Variants in CUL1 observed in about 807,000 individuals in gnomAD.
The protein encoded by CUL1 is cullin 1, also known as cullin-1.
A neutral mutation model predicts 118.0 loss-of-function variants in CUL1; 24 were observed. The observed-to-expected ratio is 0.20, with a 90% CI of 0.15 to 0.29. The LOEUF (loss-of-function observed/expected upper bound fraction) is 0.29, where lower values mean the gene tolerates loss of function less well. CUL1 is among the 10% of genes least tolerant of loss of function. CUL1 has a pLI of 1.00. For synonymous variants in CUL1, 332 were observed against 340.4 expected, an observed-to-expected ratio of 0.98 and a Z score of 0.27; for missense variants, 361 against 933.8, an observed-to-expected ratio of 0.39 and a Z score of 7.99.
intron 1 of CUL1, among the ~76,000 whole-genome samples, chr7:148,720,445 A>G (rs566805027): frequency 5.3e-5 from 8 of 152,242 alleles, no homozygotes; most frequent in African/African-American, 1.7e-4. Flanking sequence ...GCTGATGGGA[A>G]ATGCAGAAGG....
At chr7:148,775,621 T>G (rs1400232394) in intron 9 of CUL1, among the ~76,000 whole-genome samples, 3 of 152,324 alleles carry the variant, frequency 2.0e-5, no homozygotes, top group African/African-American at 7.2e-5. Context: ...AGTCAGACAT[T>G]TAATTACACA....
chr7:148,708,301 C>G (rs544559087), intron 1 of CUL1, among the ~76,000 whole-genome samples: 1 of 152,126 alleles, frequency 6.6e-6, no homozygotes, highest in African/African-American at 2.4e-5. Flanking sequence ...TTTTTTGCTC[C>G]CTAGACCATA....
intron 2 of CUL1, among the ~76,000 whole-genome samples, chr7:148,749,152 C>A (rs916622556): frequency 1.3e-5 from 2 of 152,148 alleles, no homozygotes; most frequent in Non-Finnish European, 2.9e-5. Flanking sequence ...CGTGGTGGCT[C>A]ACGCCTGTAA....
At chr7:148,727,771 G>C (rs1430221589) in intron 1 of CUL1, among the ~76,000 whole-genome samples, 7 of 152,052 alleles carry the variant, frequency 4.6e-5, no homozygotes, top group African/African-American at 1.7e-4. Context: ...AGGTGGCAAG[G>C]GGGGACATCT....
chr7:148,786,955 C>T, intron 12 of CUL1, 34 bp from the exon 13 acceptor site: 1 of 1,594,822 alleles, frequency 6.3e-7, no homozygotes, highest in East Asian at 2.2e-5. Flanking sequence ...TGTGTGTGTG[C>T]TGGTTAAGTG....
rs572566580 is a variant in CUL1, at chr7:148,737,560, A to G, written c.140+7298A>G. 8.0e-3 allele frequency among the ~76,000 whole-genome samples: 1,126 copies of G among 140,710 alleles called. 10 individuals carry two copies. The highest frequency in any genetic ancestry group is 0.021 in the African/African-American group (749 of 36,490). 92.3% of individuals were successfully genotyped at this position (140,710 alleles called of 152,430 possible). A position where few individuals can be genotyped will look rare whatever the true frequency, so the allele number is the denominator to read the frequency against. ...AAGTACGATATATGTGTGTGTGTGT[A>G]TATATATATATTTTTATATTTATTT... On this transcript the variant is annotated intron_variant, in intron 2 of 21. Transcript: ENST00000325222.
intron 5 of CUL1, 85 bp downstream of exon 5, chr7:148,759,439 G>T: frequency 1.4e-6 from 2 of 1,474,882 alleles, no homozygotes; most frequent in South Asian, 1.1e-5. Context: ...TCACTCCTTC[G>T]GATTATCCCA....
intron 8 of CUL1, 114 bp from the exon 9 acceptor site, chr7:148,767,505 A>G (rs900227738): frequency 4.3e-6 from 4 of 936,640 alleles, no homozygotes; most frequent in African/African-American, 1.7e-5. Flanking sequence ...ATTAAAGTCT[A>G]AAAACATGGT....
intron 14 of CUL1, 30 bp from the exon 15 acceptor site, chr7:148,789,720 G>C (rs778470364): frequency 1.3e-6 from 2 of 1,582,564 alleles, no homozygotes; most frequent in Admixed American, 3.3e-5. Context: ...ATTCCAGAAT[G>C]TTCACTCTCC....
At chr7:148,799,876 G>A (rs1246713296) in intron 21 of CUL1, among the ~76,000 whole-genome samples, 2 of 152,308 alleles carry the variant, frequency 1.3e-5, no homozygotes, top group African/African-American at 4.8e-5. Flanking sequence ...TTTTATGGGT[G>A]TTGTGTTATG....
intron 1 of CUL1, among the ~76,000 whole-genome samples, chr7:148,702,970 A>G (rs761239578): frequency 3.5e-4 from 53 of 152,308 alleles, no homozygotes; most frequent in Admixed American, 5.9e-4. Flanking sequence ...TGTGGGTACT[A>G]TGGTTTAACC....
At position 148,735,924 on chromosome 7, in the gene CUL1, G is replaced by A. The variant is rs138523443; in HGVS notation, c.140+5662G>A. Among the ~76,000 whole-genome samples, 117 of 151,834 alleles carry A rather than the reference G, an allele frequency of 7.7e-4. 1 individual carries two copies. The East Asian group carries it at 0.018, about 24-fold the overall frequency. On this transcript the variant is annotated intron_variant, in intron 2 of 21. Transcript: ENST00000325222. Reference sequence around the variant, plus strand: ...AGCCATGCTCACGCCTTTAATTCCCGGAATTTGGGAGGCCAGGGCAGGTGG... The same window carrying A: ...AGCCATGCTCACGCCTTTAATTCCCAGAATTTGGGAGGCCAGGGCAGGTGG...
intron 6 of CUL1, among the ~76,000 whole-genome samples, chr7:148,759,862 A>G (rs1272609441): frequency 6.6e-6 from 1 of 152,192 alleles, no homozygotes; most frequent in Non-Finnish European, 1.5e-5. Context: ...GATGAAATAG[A>G]CATTTTGATT....
intron 1 of CUL1, among the ~76,000 whole-genome samples, chr7:148,720,151 C>T (rs1454205925): frequency 6.6e-6 from 1 of 152,044 alleles, no homozygotes; most frequent in Non-Finnish European, 1.5e-5. Flanking sequence ...TCTGGAGGTG[C>T]CATGGGTGTG....
At chr7:148,706,083 C>G (rs2129458880) in intron 1 of CUL1, among the ~76,000 whole-genome samples, 1 of 152,296 alleles carries the variant, frequency 6.6e-6, no homozygotes, top group East Asian at 1.9e-4. Flanking sequence ...ACAGTTTATT[C>G]AGTGTCCCCA....
intron 1 of CUL1, among the ~76,000 whole-genome samples, chr7:148,724,183 C>A (rs181684254): frequency 4.3e-4 from 65 of 152,308 alleles, no homozygotes; most frequent in Non-Finnish European, 7.9e-4. Context: ...GTTCACACTT[C>A]TACTCAGTGA....
At position 148,712,970 on chromosome 7, in the gene CUL1, A is replaced by C. The variant is rs183944625; in HGVS notation, c.-162+13941A>C. ...AGACATAACTGGGAAAAAAAAATGC[A>C]CTGAGTAATACTTAACCTTGTTACA... On this transcript the variant is annotated intron_variant, in intron 1 of 21. Coordinates refer to ENST00000325222, the MANE Select transcript of CUL1 (RefSeq NM_003592.3). Among the ~76,000 whole-genome samples, 18 of 152,330 alleles carry C rather than the reference A, an allele frequency of 1.2e-4. No individual in the cohort carries two copies. In the East Asian group the frequency reaches 3.3e-3, roughly 28 times the overall value.
intron 13 of CUL1, among the ~76,000 whole-genome samples, 174 bp from the exon 14 acceptor site, chr7:148,788,383 A>G (rs1029712419): frequency 2.2e-4 from 33 of 152,338 alleles, no homozygotes; most frequent in African/African-American, 6.3e-4. Flanking sequence ...TTGACAGTGT[A>G]TTAATATTAA....
At chr7:148,781,231 C>A (rs1205251785) in intron 9 of CUL1, among the ~76,000 whole-genome samples, 1 of 151,956 alleles carries the variant, frequency 6.6e-6, no homozygotes, top group Non-Finnish European at 1.5e-5. Flanking sequence ...TAGGCGCCTG[C>A]CACCACCCTC....
Sources: gnomAD v4.1 joint callset for allele counts (sites outside exome capture counted in the v4.1 genomes callset) on GRCh38, gnomAD v4.1.1 for gene constraint, MANE v1.5 for transcripts, NCBI Gene and HGNC (gene_info 2026-07-23, HGNC 2026-07-21) for gene names.